The following CFAP61 variants were observed in gnomAD, a reference collection of about 807,000 sequenced individuals.
The protein encoded by CFAP61 is cilia and flagella associated protein 61.
A neutral mutation model predicts 135.6 loss-of-function variants in CFAP61; 107 were observed. That is an observed-to-expected ratio of 0.79 (90% CI 0.67 to 0.93). CFAP61 has a LOEUF of 0.93. CFAP61 is among the 40% of genes least tolerant of loss of function. CFAP61 has a pLI of 0.00. For missense variants in CFAP61, 1,507 were observed against 1,556.2 expected (o/e 0.97, Z 0.53); for synonymous variants, 575 against 578.5 (o/e 0.99, Z 0.09).
chr20:20,111,222 G>A (rs1001258444), intron 8 of CFAP61, among the ~76,000 whole-genome samples: 1 of 152,056 alleles, frequency 6.6e-6, no homozygotes, highest in African/African-American at 2.4e-5. Flanking sequence ...TTCAAAAATG[G>A]TAACAGACCA....
At chr20:20,256,606 T>C (rs2051607023) in intron 20 of CFAP61, among the ~76,000 whole-genome samples, 1 of 152,114 alleles carries the variant, frequency 6.6e-6, no homozygotes, top group Non-Finnish European at 1.5e-5. Context: ...GAACTGCTGC[T>C]AAACAGTTAG....
rs777043987 is a variant in CFAP61 at position 20,277,128 on chromosome 20, C to G, written c.2504-38C>G. On this transcript the variant is annotated intron_variant, in intron 21 of 26. Coordinates refer to ENST00000245957, the MANE Select transcript of CFAP61 (RefSeq NM_015585.4). The stretch of plus-strand genomic sequence containing the variant: ...CATTTGACTAAGGTTTTTTGGTTTT[C>G]TGAACTGTATATCTTAGCGTTTTCC... 2.4e-5 allele frequency: 37 copies of G among 1,519,788 alleles called. No individual in the cohort carries two copies. In the East Asian group the frequency reaches 8.4e-4, roughly 35 times the overall value. The allele number at this position is 1,519,788 out of a possible 1,614,324, so 94.1% of individuals were successfully genotyped here.
At chr20:20,262,922 T>C in intron 20 of CFAP61, 34 bp from the exon 21 acceptor site, 1 of 1,467,324 alleles carries the variant, frequency 6.8e-7, no homozygotes, top group Non-Finnish European at 9.3e-7. Context: ...TTATCTATTA[T>C]CACTGAAATA....
chr20:20,053,291 GAC>G (rs2043917155), intron 1 of CFAP61, among the ~76,000 whole-genome samples: 3 of 152,192 alleles, frequency 2.0e-5, no homozygotes, highest in Non-Finnish European at 4.4e-5. Flanking sequence ...TTAAGTGGAA[GAC>G]ACAGAGATTT....
intron 21 of CFAP61, among the ~76,000 whole-genome samples, chr20:20,269,137 A>G (rs1269981702): frequency 2.1e-5 from 2 of 93,700 alleles, no homozygotes; most frequent in Non-Finnish European, 4.9e-5. Context: ...ATATATATAT[A>G]TATATATATA....
chr20:20,250,485 G>A (rs1327751959), intron 19 of CFAP61, among the ~76,000 whole-genome samples: 2 of 152,098 alleles, frequency 1.3e-5, no homozygotes, highest in African/African-American at 2.4e-5. Flanking sequence ...GAAGTGGCGC[G>A]TGCCTCCAGT....
intron 14 of CFAP61, among the ~76,000 whole-genome samples, chr20:20,189,212 A>G (rs1356198136): frequency 6.6e-6 from 1 of 152,146 alleles, no homozygotes; most frequent in Non-Finnish European, 1.5e-5. Flanking sequence ...CTATTTATAA[A>G]GGCATCAGAG....
chr20:20,179,040 T>G (rs1321763228), intron 13 of CFAP61, among the ~76,000 whole-genome samples: 1 of 152,086 alleles, frequency 6.6e-6, no homozygotes, highest in Non-Finnish European at 1.5e-5. Context: ...TTCCCTATTT[T>G]CTGCAAGACA....
intron 17 of CFAP61, among the ~76,000 whole-genome samples, chr20:20,227,089 T>C (rs1303288841): frequency 2.6e-5 from 4 of 152,180 alleles, no homozygotes; most frequent in Non-Finnish European, 4.4e-5. Flanking sequence ...ATCTGAGATG[T>C]TACCTTTAAA....
Position 20,188,007 on chromosome 20 carries a change from A to G in CFAP61, c.1463A>G (p.Lys488Arg). Residue 488 changes from lysine to arginine, a missense_variant, in exon 14 of 27, where the codon AAA becomes AGA. Coordinates refer to ENST00000245957, the MANE Select transcript of CFAP61 (RefSeq NM_015585.4). ...ENLVSTLMLN[K>R]SILEDLDRYN... ...CTTGTCAGCACCCTCATGTTGAATA[A>G]AAGCATATTGGAGGACTTAGACCGT... 1.2e-6 allele frequency: 2 copies of G among 1,614,178 alleles called. No homozygotes were observed. The highest frequency in any genetic ancestry group is 8.5e-7 in the Non-Finnish European group (1 of 1,179,994).
chr20:20,183,753 C>T (rs756207631), intron 13 of CFAP61, among the ~76,000 whole-genome samples: 15 of 151,974 alleles, frequency 9.9e-5, no homozygotes, highest in Non-Finnish European at 1.8e-4. Context: ...GTACCAAGTC[C>T]ACAATTCAGT....
intron 26 of CFAP61, 134 bp from the exon 27 acceptor site, chr20:20,360,076 A>G: frequency 1.4e-6 from 1 of 711,250 alleles, no homozygotes; most frequent in Non-Finnish European, 2.4e-6. Context: ...TTAAAAATAA[A>G]TTTTCAAAAG....
intron 8 of CFAP61, among the ~76,000 whole-genome samples, chr20:20,121,667 GT>G (rs1724441609): frequency 6.6e-6 from 1 of 151,892 alleles, no homozygotes; most frequent in Admixed American, 6.6e-5. Context: ...GCTAATTTTT[GT>G]ATTTTAGTTG....
intron 25 of CFAP61, among the ~76,000 whole-genome samples, chr20:20,298,926 A>G (rs2055855009): frequency 6.6e-6 from 1 of 152,194 alleles, no homozygotes; most frequent in East Asian, 1.9e-4. Context: ...CTCTTAAGAC[A>G]CACTTCATCC....
chr20:20,099,792 G>C (rs1457999583), intron 8 of CFAP61, among the ~76,000 whole-genome samples: 2 of 152,178 alleles, frequency 1.3e-5, no homozygotes, highest in Non-Finnish European at 2.9e-5. Flanking sequence ...CAGAAATGGG[G>C]AAAGGAGCAC....
In CFAP61 at chr20:20,164,075, C is replaced by G. The variant is rs757121655; in HGVS notation, c.1052C>G (p.Ser351Cys). The change falls in exon 11 of 27, where the codon TCC (serine) becomes TGC (cysteine). Residue 351 changes from serine (S) to cysteine (C), a missense_variant. Transcript: ENST00000245957. ...PEDIEKLSDISTGYAQYHHVS... is the reference protein window; with the variant it reads ...PEDIEKLSDICTGYAQYHHVS... Reference sequence around the variant, plus strand: ...GACATAGAAAAACTCAGTGACATCTCCACTGGATATGCACAGTATCACCAT... The same window carrying G: ...GACATAGAAAAACTCAGTGACATCTGCACTGGATATGCACAGTATCACCAT... 1 of 1,612,048 alleles carries G rather than the reference C, an allele frequency of 6.2e-7. No individual in the cohort carries two copies. The highest frequency in any genetic ancestry group is 1.3e-5 in the African/African-American group (1 of 74,836).
chr20:20,181,127 C>T (rs577247356), intron 13 of CFAP61, among the ~76,000 whole-genome samples: 1 of 151,304 alleles, frequency 6.6e-6, no homozygotes, highest in African/African-American at 2.4e-5. Context: ...TCTATATAAC[C>T]AACCTTCACG....
chr20:20,171,909 G>A (rs946365584), intron 13 of CFAP61: 16 of 568,860 alleles, frequency 2.8e-5, no homozygotes, highest in Admixed American at 7.1e-5. Context: ...TCGGAGCACC[G>A]TAGCCACATT....
At chr20:20,271,551 C>G (rs924076358) in intron 21 of CFAP61, among the ~76,000 whole-genome samples, 4 of 152,204 alleles carry the variant, frequency 2.6e-5, no homozygotes, top group Admixed American at 6.5e-5. Flanking sequence ...CGGGCTCCTT[C>G]TTGCTTGCCA....
Sources: allele counts gnomAD v4.1 joint callset (sites outside exome capture counted in the v4.1 genomes callset), GRCh38; gene constraint gnomAD v4.1.1; transcripts MANE v1.5; gene names NCBI Gene and HGNC (gene_info 2026-07-23, HGNC 2026-07-21).